Variants in EHD2 observed in about 807,000 individuals in gnomAD.
EHD2 encodes the protein EH domain containing 2.
EHD2 carries 27 observed loss-of-function variants against 41.0 expected under a neutral mutation model. That is an observed-to-expected ratio of 0.66 (90% CI 0.49 to 0.91). The LOEUF is 0.91. Among genes scored for constraint, EHD2 ranks in the 40% least tolerant of loss-of-function variants. The pLI is 0.00. For synonymous variants in EHD2, 342 were observed against 341.0 expected, an observed-to-expected ratio of 1.00 and a Z score of -0.03; for missense variants, 673 against 773.9, an observed-to-expected ratio of 0.87 and a Z score of 1.55.
intron 4 of EHD2, among the ~76,000 whole-genome samples, chr19:47,733,772 A>AAAAAAAAAAAAAAAAAAAC (rs1568592559): frequency 6.7e-6 from 1 of 149,886 alleles, no homozygotes; most frequent in Non-Finnish European, 1.5e-5. Flanking sequence ...AAAAAAAAAA[A>AAAAAAAAAAAAAAAAAAAC]AAATCCACTG....
chr19:47,717,968 G>C (rs1324917762), intron 2 of EHD2, among the ~76,000 whole-genome samples: 1 of 148,284 alleles, frequency 6.7e-6, no homozygotes, highest in African/African-American at 2.5e-5. Context: ...TGGTTGCTGT[G>C]AGGACTTGGA....
intron 4 of EHD2, among the ~76,000 whole-genome samples, chr19:47,727,752 G>C (rs73051728): frequency 6.6e-6 from 1 of 150,876 alleles, no homozygotes; most frequent in Admixed American, 6.6e-5. Flanking sequence ...GACCAGCCCC[G>C]GGGCTTATCT....
chr19:47,722,770 G>A (rs964924822), intron 3 of EHD2, among the ~76,000 whole-genome samples: 13 of 152,072 alleles, frequency 8.5e-5, no homozygotes, highest in Non-Finnish European at 1.8e-4. Context: ...GTTTCACTAT[G>A]TTGGTCAGGC....
At chr19:47,731,279 A>AAAAAAAAAATAT in intron 4 of EHD2, 20 of 60,930 alleles carry the variant, frequency 3.3e-4, no homozygotes, top group Middle Eastern at 7.6e-3. Context: ...AAAAAAAAAA[A>AAAAAAAAAATAT]ATATATATAT....
chr19:47,743,077 G>C lies in EHD2; in HGVS notation c.*1645G>C, dbSNP rs1967008890. 1 of 152,440 alleles carries C rather than the reference G, an allele frequency of 6.6e-6. No homozygotes were observed. Among genetic ancestry groups the C allele is most frequent in the Admixed American group, 6.5e-5 (1 of 15,282 alleles). The allele number at this position is 152,440 out of a possible 1,614,324, so 9.4% of individuals were successfully genotyped here. On this transcript the variant is annotated 3_prime_UTR_variant, in exon 6 of 6. Transcript: ENST00000263277. ...ACTGTCCCCCACCCCATGGCTGGGAGGGGCCTCTGAACGGAACAGTGTCCC... is the reference window on the plus strand; with the variant it reads ...ACTGTCCCCCACCCCATGGCTGGGACGGGCCTCTGAACGGAACAGTGTCCC...
intron 3 of EHD2, among the ~76,000 whole-genome samples, chr19:47,720,655 G>C (rs1272620169): frequency 6.6e-6 from 1 of 152,162 alleles, no homozygotes; most frequent in Non-Finnish European, 1.5e-5. Flanking sequence ...CATTGTAGGT[G>C]TGAGTCTGAC....
At chr19:47,720,549 G>C (rs1462563729) in intron 3 of EHD2, among the ~76,000 whole-genome samples, 2 of 152,018 alleles carry the variant, frequency 1.3e-5, no homozygotes, top group East Asian at 3.9e-4. Context: ...AACTGATTCT[G>C]TCCCTATATA....
At chr19:47,738,395 C>T (rs779227592) in intron 5 of EHD2, among the ~76,000 whole-genome samples, 9 of 151,974 alleles carry the variant, frequency 5.9e-5, no homozygotes, top group East Asian at 3.9e-4. Context: ...CTCTGCCTCC[C>T]GGGTTCAAGC....
intron 2 of EHD2, 58 bp from the exon 3 acceptor site, chr19:47,718,451 C>T (rs980247030): frequency 9.7e-6 from 14 of 1,438,282 alleles, no homozygotes; most frequent in Middle Eastern, 1.7e-4. Context: ...ATGTTTTCTT[C>T]GTGTTTTCCC....
In EHD2 at chr19:47,727,744, C is replaced by T. The variant is rs570549297; in HGVS notation, c.915+1520C>T. 6.6e-5 allele frequency among the ~76,000 whole-genome samples: 10 copies of T among 150,706 alleles called. No homozygotes were observed. The South Asian group carries it at 1.3e-3, about 19-fold the overall frequency. ...GTTCTGATAACCCACTACCATTGGACCAGCCCCGGGGCTTATCTTTTGATG... is the reference window on the plus strand; with the variant it reads ...GTTCTGATAACCCACTACCATTGGATCAGCCCCGGGGCTTATCTTTTGATG... On this transcript the variant is annotated intron_variant, in intron 4 of 5. Coordinates refer to ENST00000263277, the MANE Select transcript of EHD2 (RefSeq NM_014601.4).
chr19:47,741,499 T>A lies in EHD2; in HGVS notation c.*67T>A. On this transcript the variant is annotated 3_prime_UTR_variant, in exon 6 of 6. Transcript: ENST00000263277. This position sits in a 1 kb window ranked among gnomAD's most constrained non-coding sequence, Gnocchi z 4.5. The stretch of plus-strand genomic sequence containing the variant: ...CAGTCGGCTGCACGCACACCCCTGC[T>A]CCGGCTCACACACGCCCTGCCTGCC... The A allele has an allele frequency of 6.7e-7, 1 of 1,492,078 alleles. No homozygotes were observed. The highest frequency in any genetic ancestry group is 1.2e-5 in the South Asian group (1 of 81,628). The allele number at this position is 1,492,078 out of a possible 1,614,324, so 92.4% of individuals were successfully genotyped here.
rs1246933562 is a variant in EHD2, at chr19:47,726,140, C to T, written c.831C>T (p.Asp277=). The change falls in exon 4 of 6, where the codon GAC becomes GAT. Residue 277 remains aspartate, a synonymous_variant. Coordinates refer to ENST00000263277, the MANE Select transcript of EHD2 (RefSeq NM_014601.4). Reference sequence around the variant, plus strand: ...GCCTCTTCGAGCTGGAGGAGCAGGACCTCTTCCGCGACATCCAGGGCCTGC... The same window carrying T: ...GCCTCTTCGAGCTGGAGGAGCAGGATCTCTTCCGCGACATCCAGGGCCTGC... ...NRRLFELEEQ[D]LFRDIQGLPR... is the part of the protein sequence containing the mutation. 4 of 1,581,900 alleles carry T rather than the reference C, an allele frequency of 2.5e-6. No individual in the cohort carries two copies. The South Asian group carries it at 3.5e-5, about 14-fold the overall frequency.
intron 3 of EHD2, among the ~76,000 whole-genome samples, chr19:47,720,618 A>G (rs1973685157): frequency 6.6e-6 from 1 of 151,854 alleles, no homozygotes; most frequent in Non-Finnish European, 1.5e-5. Context: ...ACTTTTGTCT[A>G]TGTGTCTATG....
chr19:47,718,448 C>T, intron 2 of EHD2, 61 bp from the exon 3 acceptor site: 2 of 1,431,786 alleles, frequency 1.4e-6, no homozygotes, highest in Non-Finnish European at 9.6e-7. Flanking sequence ...TTCATGTTTT[C>T]TTCGTGTTTT....
In EHD2 at chr19:47,735,960, G is replaced by GCACAAGGTGTT. The variant is rs1966917576; in HGVS notation, c.916-409_916-408insCACAAGGTGTT. On this transcript the variant is annotated intron_variant, in intron 4 of 5. Coordinates refer to ENST00000263277, the MANE Select transcript of EHD2 (RefSeq NM_014601.4). ...CACCTGTAATCCCAGCACTTTGGGA[G>GCACAAGGTGTT]GCCAAGGTGGGCAGATCACGAGGTC... Among the ~76,000 whole-genome samples the GCACAAGGTGTT allele has an allele frequency of 3.3e-5, 5 of 151,622 alleles. No individual in the cohort carries two copies. In the South Asian group the frequency reaches 1.0e-3, roughly 32 times the overall value.
intron 4 of EHD2, among the ~76,000 whole-genome samples, chr19:47,727,702 T>TAAA (rs779838632): frequency 7.9e-6 from 1 of 126,162 alleles, no homozygotes; most frequent in Non-Finnish European, 1.7e-5. Context: ...CCATTTCTAT[T>TAAA]AAAAAAAAAA....
At chr19:47,717,880 C>T (rs976149662) in intron 2 of EHD2, among the ~76,000 whole-genome samples, 7 of 145,054 alleles carry the variant, frequency 4.8e-5, no homozygotes, top group Non-Finnish European at 1.0e-4. Flanking sequence ...TGCATTCCAG[C>T]CTGGGCAACA....
chr19:47,730,139 C>G (rs1446589884), intron 4 of EHD2, among the ~76,000 whole-genome samples: 1 of 152,070 alleles, frequency 6.6e-6, no homozygotes, highest in African/African-American at 2.4e-5. Flanking sequence ...CCAGACAAAC[C>G]CCGGAGTCAG....
intron 2 of EHD2, 114 bp from the exon 3 acceptor site, chr19:47,718,395 T>C: frequency 1.2e-6 from 1 of 852,776 alleles, no homozygotes; most frequent in East Asian, 2.8e-5. Flanking sequence ...GGTGTCTTTC[T>C]TCGCCCATAA....
Sources: gnomAD v4.1 joint callset for allele counts (sites outside exome capture counted in the v4.1 genomes callset) on GRCh38, gnomAD v4.1.1 for gene constraint, Gnocchi (gnomAD v3.1) non-coding constraint, MANE v1.5 for transcripts, NCBI Gene and HGNC (gene_info 2026-07-23, HGNC 2026-07-21) for gene names.